SLC9C1: variants seen among roughly 807,000 people sequenced by gnomAD.
SLC9C1 encodes the protein sodium/hydrogen exchanger 10.
In SLC9C1, 97 loss-of-function variants were observed where a neutral mutation model predicts 140.9. The observed-to-expected ratio is 0.69, with a 90% CI of 0.58 to 0.82. The LOEUF is 0.82. SLC9C1 is among the 40% of genes least tolerant of loss of function. The probability of loss-of-function intolerance (pLI) is 0.00; values close to 1 mark genes in which losing one functional copy is unlikely to be tolerated. For missense variants in SLC9C1, 1,340 were observed against 1,389.3 expected, an observed-to-expected ratio of 0.96 and a Z score of 0.56; for synonymous variants, 440 against 442.6, an observed-to-expected ratio of 0.99 and a Z score of 0.07.
At chr3:112,229,581 A>G (rs2078767281) in intron 13 of SLC9C1, among the ~76,000 whole-genome samples, 1 of 151,950 alleles carries the variant, frequency 6.6e-6, no homozygotes, top group Non-Finnish European at 1.5e-5. Context: ...AAAAGAGATT[A>G]TCAAGCAAAA....
At chr3:112,183,268 G>T (rs1192155421) in intron 20 of SLC9C1, among the ~76,000 whole-genome samples, 1 of 147,944 alleles carries the variant, frequency 6.8e-6, no homozygotes, top group African/African-American at 2.5e-5. Flanking sequence ...AAAAAAAATG[G>T]TATGCTGGTG....
rs554446771 is a variant in SLC9C1, at chr3:112,211,556, T to C, written c.1791-3183A>G. On this transcript the variant is annotated intron_variant, in intron 15 of 28. Coordinates refer to ENST00000305815, the MANE Select transcript of SLC9C1 (RefSeq NM_183061.3). ...CTTAGCAAACGGCACACCAGGAGAT[T>C]ATATCCCGCACCTGGCTCGGAGGGT... 2.6e-5 allele frequency among the ~76,000 whole-genome samples: 4 copies of C among 152,334 alleles called. No homozygotes were observed. The South Asian group carries it at 8.3e-4, about 32-fold the overall frequency.
At chr3:112,200,185 A>T (rs781355647) in intron 19 of SLC9C1, among the ~76,000 whole-genome samples, 3 of 152,056 alleles carry the variant, frequency 2.0e-5, no homozygotes, top group Non-Finnish European at 4.4e-5. Context: ...TGCCACTCTT[A>T]AGATTTGTCC....
At chr3:112,229,168 GA>G (rs2078756956) in intron 13 of SLC9C1, among the ~76,000 whole-genome samples, 2 of 152,126 alleles carry the variant, frequency 1.3e-5, no homozygotes, top group Non-Finnish European at 2.9e-5. Flanking sequence ...AAGAGGCTGG[GA>G]AGGGTAGGGG....
At chr3:112,180,763 T>C in intron 21 of SLC9C1, 101 bp from the exon 22 acceptor site, 1 of 943,896 alleles carries the variant, frequency 1.1e-6, no homozygotes, top group Non-Finnish European at 1.6e-6. Flanking sequence ...TGAGACGGAG[T>C]CTCGCTCTGT....
chr3:112,179,019 A>G (rs945959611), intron 23 of SLC9C1, among the ~76,000 whole-genome samples: 4 of 152,220 alleles, frequency 2.6e-5, no homozygotes. Context: ...AAAAATTAGC[A>G]TCATTATCAA....
chr3:112,232,089 G>A (rs950934366), intron 12 of SLC9C1, among the ~76,000 whole-genome samples: 3 of 152,198 alleles, frequency 2.0e-5, no homozygotes, highest in African/African-American at 7.2e-5. Flanking sequence ...GCTATTAAGT[G>A]AGAAAGCTAG....
intron 12 of SLC9C1, among the ~76,000 whole-genome samples, chr3:112,239,038 A>G (rs1469086538): frequency 1.3e-5 from 2 of 152,184 alleles, no homozygotes; most frequent in Admixed American, 1.3e-4. Context: ...TTGTTCAGCT[A>G]TGCCCTGCCC....
chr3:112,176,809 C>T (rs2077345615), intron 23 of SLC9C1, among the ~76,000 whole-genome samples: 1 of 152,092 alleles, frequency 6.6e-6, no homozygotes, highest in African/African-American at 2.4e-5. Context: ...CTGTCTCCAC[C>T]ATGGGTGCTG....
At chr3:112,146,641 T>A (rs1337860461) in intron 28 of SLC9C1, among the ~76,000 whole-genome samples, 1 of 152,230 alleles carries the variant, frequency 6.6e-6, no homozygotes, top group Non-Finnish European at 1.5e-5. Flanking sequence ...TTGGTATTCA[T>A]TTCTATTTTT....
At chr3:112,209,171 A>G (rs141231162) in intron 15 of SLC9C1, among the ~76,000 whole-genome samples, 18 of 151,708 alleles carry the variant, frequency 1.2e-4, no homozygotes, top group African/African-American at 3.9e-4. Flanking sequence ...AGGTACATCT[A>G]TGCCATAGCC....
At chr3:112,170,217 T>C (rs2077220795) in intron 23 of SLC9C1, among the ~76,000 whole-genome samples, 2 of 152,174 alleles carry the variant, frequency 1.3e-5, no homozygotes, top group Admixed American at 1.3e-4. Context: ...ACCTATTCAC[T>C]GGGAGAAACA....
intron 12 of SLC9C1, among the ~76,000 whole-genome samples, chr3:112,237,888 C>A (rs1576417850): frequency 6.6e-6 from 1 of 152,156 alleles, no homozygotes; most frequent in Non-Finnish European, 1.5e-5. Flanking sequence ...CTGCCCTTAA[C>A]ATTTTTTCTT....
chr3:112,215,620 A>G (rs926604037), intron 15 of SLC9C1, among the ~76,000 whole-genome samples: 6 of 152,132 alleles, frequency 3.9e-5, no homozygotes, highest in Non-Finnish European at 7.4e-5. Context: ...TTCAAAGAGA[A>G]TGAAATACCT....
chr3:112,206,844 G>A (rs1170294827), intron 16 of SLC9C1, among the ~76,000 whole-genome samples: 1 of 89,640 alleles, frequency 1.1e-5, no homozygotes, highest in Non-Finnish European at 2.3e-5. Flanking sequence ...ATCCTGTCGT[G>A]GGGTCGGGGG....
intron 20 of SLC9C1, 85 bp downstream of exon 20, chr3:112,199,236 G>A (rs2077840544): frequency 1.8e-6 from 2 of 1,105,174 alleles, no homozygotes; most frequent in East Asian, 2.7e-5. Flanking sequence ...GAAATGGCCT[G>A]TATTAGAAGT....
chr3:112,214,301 A>T (rs1331307001), intron 15 of SLC9C1, among the ~76,000 whole-genome samples: 3 of 152,214 alleles, frequency 2.0e-5, no homozygotes, highest in Non-Finnish European at 4.4e-5. Context: ...TAAAAGAACT[A>T]GAGAAGCAAG....
intron 5 of SLC9C1, 80 bp downstream of exon 5, chr3:112,277,615 C>T (rs541670274): frequency 2.6e-5 from 33 of 1,271,998 alleles, no homozygotes; most frequent in South Asian, 1.1e-4. Flanking sequence ...GAAAAGCTAC[C>T]AAAAGCAAAA....
At chr3:112,247,287 A>G (rs747685882) in intron 10 of SLC9C1, among the ~76,000 whole-genome samples, 7 of 152,130 alleles carry the variant, frequency 4.6e-5, no homozygotes, top group Non-Finnish European at 1.0e-4. Flanking sequence ...CATCTATTTT[A>G]TATCTAGGGT....
Sources: gnomAD v4.1 joint callset for allele counts (sites outside exome capture counted in the v4.1 genomes callset) on GRCh38, gnomAD v4.1.1 for gene constraint, MANE v1.5 for transcripts, NCBI Gene and HGNC (gene_info 2026-07-23, HGNC 2026-07-21) for gene names.